The following DGKI variants were observed in gnomAD, a reference collection of about 807,000 sequenced individuals.
DGKI encodes diacylglycerol kinase iota, also known as DAG kinase iota.
DGKI carries 55 observed loss-of-function variants against 147.5 expected under a neutral mutation model. The observed-to-expected ratio is 0.37, with a 90% CI of 0.30 to 0.47. The LOEUF is 0.47. DGKI is among the 20% of genes least tolerant of loss of function. The pLI is 1.00. For synonymous variants in DGKI, 469 were observed against 477.1 expected, an observed-to-expected ratio of 0.98 and a Z score of 0.22; for missense variants, 1,007 against 1,323.8, an observed-to-expected ratio of 0.76 and a Z score of 3.71.
chr7:137,645,431 G>T, intron 6 of DGKI, 41 bp downstream of exon 6: 1 of 1,584,652 alleles, frequency 6.3e-7, no homozygotes, highest in Non-Finnish European at 8.6e-7. Flanking sequence ...GCAGAGGCCT[G>T]GGGAGCCTCC....
chr7:137,403,017 T>C (rs1811819805), intron 30 of DGKI, among the ~76,000 whole-genome samples: 1 of 149,602 alleles, frequency 6.7e-6, no homozygotes, highest in South Asian at 2.1e-4. Context: ...AAGAGCAGAG[T>C]GTGCAGGGTG....
intron 27 of DGKI, among the ~76,000 whole-genome samples, chr7:137,461,372 G>A (rs776797011): frequency 4.6e-5 from 7 of 152,108 alleles, no homozygotes; most frequent in Non-Finnish European, 8.8e-5. Flanking sequence ...CAAAGCAAGT[G>A]GGAAGTAGTC....
At chr7:137,779,520 A>C (rs1225427973) in intron 1 of DGKI, among the ~76,000 whole-genome samples, 2 of 152,176 alleles carry the variant, frequency 1.3e-5, no homozygotes, top group Non-Finnish European at 2.9e-5. Context: ...AAAATTAATA[A>C]GTATGCTTCA....
intron 28 of DGKI, among the ~76,000 whole-genome samples, chr7:137,426,322 T>C (rs1812803394): frequency 6.6e-6 from 1 of 152,032 alleles, no homozygotes; most frequent in Non-Finnish European, 1.5e-5. Context: ...GAAGGAGAAA[T>C]AAAATACTTT....
intron 28 of DGKI, among the ~76,000 whole-genome samples, chr7:137,413,085 C>T (rs1486776504): frequency 1.3e-5 from 2 of 151,972 alleles, no homozygotes; most frequent in Non-Finnish European, 2.9e-5. Context: ...GCTTGGCCAA[C>T]ATGGTGAGAC....
At chr7:137,420,276 C>G (rs1265215298) in intron 28 of DGKI, among the ~76,000 whole-genome samples, 1 of 152,154 alleles carries the variant, frequency 6.6e-6, no homozygotes, top group Non-Finnish European at 1.5e-5. Flanking sequence ...TGCTGAAGTC[C>G]ACGTTTGCGC....
chr7:137,572,854 C>G lies in DGKI; in HGVS notation c.1762-16G>C. The G allele has an allele frequency of 6.3e-7, 1 of 1,595,448 alleles. No homozygotes were observed. The highest frequency in any genetic ancestry group is 8.5e-7 in the Non-Finnish European group (1 of 1,171,314). On this transcript the variant is annotated splice_polypyrimidine_tract_variant and intron_variant, in intron 17 of 32. Coordinates refer to ENST00000614521, the MANE Select transcript of DGKI (RefSeq NM_001321708.2). Reference sequence around the variant, plus strand: ...TTCCATCACACTGAAACAATGAAAACAGAAAAGGGGTTTTGAAGTAGTCAC... The same window carrying G: ...TTCCATCACACTGAAACAATGAAAAGAGAAAAGGGGTTTTGAAGTAGTCAC...
Position 137,412,349 on chromosome 7 carries a change from C to T in DGKI, c.2762-142G>A, listed in dbSNP as rs1382578078. On this transcript the variant is annotated intron_variant, in intron 28 of 32. Transcript: ENST00000614521. ...AGGAAAATATCTTGGTGAAGCAGAC[C>T]GAGGCCCCCTCTTTAACCCTTCCCC... The T allele has an allele frequency of 1.1e-5, 8 of 755,182 alleles. No individual in the cohort carries two copies. In the East Asian group the frequency reaches 1.1e-4, roughly 10 times the overall value. The allele number at this position is 755,182 out of a possible 1,614,324, so 46.8% of individuals were successfully genotyped here.
intron 1 of DGKI, among the ~76,000 whole-genome samples, chr7:137,732,569 T>C (rs79124340): frequency 6.6e-6 from 1 of 152,038 alleles, no homozygotes; most frequent in African/African-American, 2.4e-5. Flanking sequence ...TGGGTTCTGA[T>C]AGACACTGTC....
At chr7:137,763,964 G>A (rs1047050055) in intron 1 of DGKI, among the ~76,000 whole-genome samples, 12 of 152,226 alleles carry the variant, frequency 7.9e-5, no homozygotes, top group Admixed American at 1.3e-4. Context: ...GGGACAGGTC[G>A]TCTACCTGCT....
At chr7:137,580,574 A>G (rs759070720) in intron 15 of DGKI, among the ~76,000 whole-genome samples, 5 of 152,082 alleles carry the variant, frequency 3.3e-5, no homozygotes, top group Non-Finnish European at 5.9e-5. Context: ...ACAGAATTTG[A>G]CCTTTACAGA....
chr7:137,813,021 A>G (rs1797639075), intron 1 of DGKI, among the ~76,000 whole-genome samples: 1 of 152,210 alleles, frequency 6.6e-6, no homozygotes, highest in East Asian at 1.9e-4. Context: ...AATGACCCTG[A>G]GAAAGTATGC....
chr7:137,447,889 C>A (rs1813774914), intron 27 of DGKI, among the ~76,000 whole-genome samples: 1 of 152,000 alleles, frequency 6.6e-6, no homozygotes, highest in Non-Finnish European at 1.5e-5. Context: ...ATGTTAGTAA[C>A]ACAGAAAAAA....
rs1731951 is a variant in DGKI, at chr7:137,391,101, T to A, written c.*119A>T. The A allele has an allele frequency of 0.43, 354,256 of 820,426 alleles. 77,717 individuals are homozygous for A. Among genetic ancestry groups the A allele is most frequent in the Non-Finnish European group, 0.46 (216,465 of 475,226 alleles). The allele number at this position is 820,426 out of a possible 1,614,324, so 50.8% of individuals were successfully genotyped here. A position where few individuals can be genotyped will look rare whatever the true frequency, so the allele number is the denominator to read the frequency against. ...AGCTAGTGGCATGGTCTCAGGTAGATTCTTGCAGGAGAGAGACAGATATAT... is the reference window on the plus strand; with the variant it reads ...AGCTAGTGGCATGGTCTCAGGTAGAATCTTGCAGGAGAGAGACAGATATAT... On this transcript the variant is annotated 3_prime_UTR_variant, in exon 33 of 33. Transcript: ENST00000614521.
chr7:137,421,933 C>G (rs1282902742), intron 28 of DGKI, among the ~76,000 whole-genome samples: 3 of 152,262 alleles, frequency 2.0e-5, no homozygotes, highest in African/African-American at 7.2e-5. Flanking sequence ...TTACTGGCCC[C>G]TGCTACACCT....
chr7:137,655,750 A>G (rs2116251091), intron 4 of DGKI, among the ~76,000 whole-genome samples: 1 of 152,366 alleles, frequency 6.6e-6, no homozygotes, highest in Middle Eastern at 3.4e-3. Context: ...ATGGGGGACT[A>G]AAATATTTCA....
chr7:137,706,084 T>C (rs111805822), intron 1 of DGKI, among the ~76,000 whole-genome samples: 75 of 152,222 alleles, frequency 4.9e-4, no homozygotes, highest in African/African-American at 1.7e-3. Flanking sequence ...TTAGCAAATA[T>C]TCAGAAATAT....
chr7:137,726,826 A>G (rs1008134635), intron 1 of DGKI, among the ~76,000 whole-genome samples: 1 of 152,190 alleles, frequency 6.6e-6, no homozygotes, highest in African/African-American at 2.4e-5. Flanking sequence ...AAAGATTATG[A>G]TATATCACTT....
intron 21 of DGKI, among the ~76,000 whole-genome samples, chr7:137,512,723 C>T (rs1416038689): frequency 1.3e-5 from 2 of 152,090 alleles, no homozygotes; most frequent in East Asian, 3.8e-4. Flanking sequence ...CATTTTAGGC[C>T]CAGTTCTTTG....
Sources: allele counts gnomAD v4.1 joint callset (sites outside exome capture counted in the v4.1 genomes callset), GRCh38; gene constraint gnomAD v4.1.1; transcripts MANE v1.5; gene names NCBI Gene and HGNC (gene_info 2026-07-23, HGNC 2026-07-21).